Variants in CYTH3 observed in about 807,000 individuals in gnomAD.
The protein encoded by CYTH3 is cytohesin-3.
Under a neutral mutation model 55.1 loss-of-function variants are expected in CYTH3, and 23 were observed. The observed-to-expected ratio is 0.42, with a 90% CI of 0.30 to 0.59. The LOEUF is 0.59. Ranked by LOEUF, CYTH3 falls within the 20% of genes least tolerant of loss-of-function variation. The probability of loss-of-function intolerance (pLI) is 0.20; values close to 1 mark genes in which losing one functional copy is unlikely to be tolerated. For missense variants in CYTH3, 413 were observed against 524.8 expected (o/e 0.79, Z 2.08); for synonymous variants, 249 against 194.9 (o/e 1.28, Z -2.31).
At chr7:6,259,772 T>TATATATATAATATATATATATATATAA in intron 1 of CYTH3, among the ~76,000 whole-genome samples, 1 of 30,502 alleles carries the variant, frequency 3.3e-5, no homozygotes, top group East Asian at 1.3e-3. Context: ...TATATATATA[T>TATATATATAATATATATATATATATAA]TATATATATA....
chr7:6,187,902 TAGG>T (rs1186668397), intron 2 of CYTH3, among the ~76,000 whole-genome samples, 181 bp from the exon 3 acceptor site: 3 of 151,982 alleles, frequency 2.0e-5, no homozygotes, highest in African/African-American at 7.3e-5. Context: ...CACCACAACT[TAGG>T]AGAACACAAA....
At position 6,272,594 on chromosome 7, in the gene CYTH3, C is replaced by A. The variant is rs969791986; in HGVS notation, c.-87G>T. On this transcript the variant is annotated 5_prime_UTR_variant, in exon 1 of 13. Transcript: ENST00000350796. ...GACGCCGCCGGAGGGAGCGCGCAGG[C>A]GACCGGGCGGCTCCTCAGCGCGCGG... The A allele has an allele frequency of 5.7e-6, 6 of 1,055,722 alleles. No individual in the cohort carries two copies. Among genetic ancestry groups the A allele is most frequent in the Non-Finnish European group, 5.8e-6 (5 of 865,132 alleles). The allele number at this position is 1,055,722 out of a possible 1,614,324, so 65.4% of individuals were successfully genotyped here. A position where few individuals can be genotyped will look rare whatever the true frequency, so the allele number is the denominator to read the frequency against.
At chr7:6,179,619 C>A in intron 4 of CYTH3, among the ~76,000 whole-genome samples, 1 of 130,656 alleles carries the variant, frequency 7.7e-6, no homozygotes, top group African/African-American at 3.6e-5. Flanking sequence ...ACCACACACA[C>A]ACACCCCCCA....
chr7:6,242,670 C>A (rs2128555718), intron 1 of CYTH3, among the ~76,000 whole-genome samples: 1 of 152,230 alleles, frequency 6.6e-6, no homozygotes, highest in South Asian at 2.1e-4. Context: ...GAGGGGCCTT[C>A]TTAAGGGACT....
chr7:6,201,443 T>G (rs1359303928), intron 1 of CYTH3, among the ~76,000 whole-genome samples: 1 of 152,220 alleles, frequency 6.6e-6, no homozygotes, highest in African/African-American at 2.4e-5. Flanking sequence ...AGGACACTGG[T>G]TCCTTACCCA....
At chr7:6,176,642 A>G (rs1383641268) in intron 5 of CYTH3, among the ~76,000 whole-genome samples, 25 of 152,176 alleles carry the variant, frequency 1.6e-4, no homozygotes, top group Admixed American at 1.3e-3. Flanking sequence ...ATTCCTTAGG[A>G]TATTCTATAT....
At chr7:6,252,022 G>A (rs1779983902) in intron 1 of CYTH3, among the ~76,000 whole-genome samples, 1 of 152,166 alleles carries the variant, frequency 6.6e-6, no homozygotes, top group African/African-American at 2.4e-5. Context: ...TTCATTTTCA[G>A]CTACAGGATG....
At chr7:6,259,979 C>T (rs1472900986) in intron 1 of CYTH3, among the ~76,000 whole-genome samples, 1 of 147,528 alleles carries the variant, frequency 6.8e-6, no homozygotes, top group Non-Finnish European at 1.5e-5. Flanking sequence ...TGCAGGCATG[C>T]ACCACCACAC....
At chr7:6,199,496 T>TA (rs1270226904) in intron 1 of CYTH3, among the ~76,000 whole-genome samples, 1 of 151,724 alleles carries the variant, frequency 6.6e-6, no homozygotes, top group African/African-American at 2.4e-5. Flanking sequence ...AAATAAACAA[T>TA]AAAAAAACAA....
At chr7:6,219,653 A>G (rs1784503322) in intron 1 of CYTH3, among the ~76,000 whole-genome samples, 1 of 152,194 alleles carries the variant, frequency 6.6e-6, no homozygotes, top group Admixed American at 6.5e-5. Flanking sequence ...AGATCTATGG[A>G]GGGCCCTCTT....
At chr7:6,210,855 T>C (rs1408877420) in intron 1 of CYTH3, among the ~76,000 whole-genome samples, 1 of 152,212 alleles carries the variant, frequency 6.6e-6, no homozygotes, top group Admixed American at 6.5e-5. Context: ...TAAGAGTTGT[T>C]ACACTTAAAA....
At chr7:6,189,213 A>G (rs1017309020) in intron 2 of CYTH3, among the ~76,000 whole-genome samples, 2 of 152,116 alleles carry the variant, frequency 1.3e-5, no homozygotes, top group African/African-American at 2.4e-5. Context: ...CTTTATTCAC[A>G]TGCTTCTCCT....
intron 1 of CYTH3, among the ~76,000 whole-genome samples, chr7:6,229,913 T>C (rs1376104641): frequency 2.6e-5 from 4 of 151,744 alleles, no homozygotes; most frequent in African/African-American, 9.7e-5. Context: ...AGGTGAGTGA[T>C]AGCTTGAGGT....
At position 6,217,183 on chromosome 7, in the gene CYTH3, A is replaced by T. The variant is rs56295477; in HGVS notation, c.35-26652T>A. Among the ~76,000 whole-genome samples, 4 of 152,148 alleles carry T rather than the reference A, an allele frequency of 2.6e-5. No homozygotes were observed. The South Asian group carries it at 8.3e-4, about 32-fold the overall frequency. ...CCAGCCTCGGCCTCCCAAAGTGCCAAGATTACGGGCATGAACCACTGCTCC... is the reference window on the plus strand; with the variant it reads ...CCAGCCTCGGCCTCCCAAAGTGCCATGATTACGGGCATGAACCACTGCTCC... On this transcript the variant is annotated intron_variant, in intron 1 of 12. Coordinates refer to ENST00000350796, the MANE Select transcript of CYTH3 (RefSeq NM_004227.4).
intron 1 of CYTH3, among the ~76,000 whole-genome samples, chr7:6,206,737 C>T (rs1217522562): frequency 2.0e-5 from 3 of 152,086 alleles, no homozygotes; most frequent in Non-Finnish European, 2.9e-5. Flanking sequence ...CTAACAGAAC[C>T]AATGCTAACT....
At chr7:6,222,293 G>A (rs1160067406) in intron 1 of CYTH3, among the ~76,000 whole-genome samples, 1 of 152,210 alleles carries the variant, frequency 6.6e-6, no homozygotes, top group Non-Finnish European at 1.5e-5. Flanking sequence ...TACCAAATGA[G>A]CACCTGTCGA....
intron 1 of CYTH3, among the ~76,000 whole-genome samples, chr7:6,241,647 T>C (rs1779675456): frequency 6.6e-6 from 1 of 151,744 alleles, no homozygotes; most frequent in Non-Finnish European, 1.5e-5. Context: ...ACAATCCAAG[T>C]GCCCATCAAT....
chr7:6,216,243 T>C (rs1452626952), intron 1 of CYTH3, among the ~76,000 whole-genome samples: 2 of 152,158 alleles, frequency 1.3e-5, no homozygotes, highest in African/African-American at 2.4e-5. Context: ...GGAAGAAATA[T>C]GTAAGATTAC....
At chr7:6,209,627 G>A (rs1784280518) in intron 1 of CYTH3, among the ~76,000 whole-genome samples, 1 of 152,142 alleles carries the variant, frequency 6.6e-6, no homozygotes, top group African/African-American at 2.4e-5. Context: ...TTACCCAACT[G>A]AGTTGGAAAC....
Sources: allele counts gnomAD v4.1 joint callset (sites outside exome capture counted in the v4.1 genomes callset), GRCh38; gene constraint gnomAD v4.1.1; transcripts MANE v1.5; gene names NCBI Gene and HGNC (gene_info 2026-07-23, HGNC 2026-07-21).